Variants in GPC5 observed in about 807,000 individuals in gnomAD.
The protein encoded by GPC5 is glypican 5, also known as glypican-5.
In GPC5, 47 loss-of-function variants were observed where a neutral mutation model predicts 53.9. The ratio of observed to expected loss-of-function variants is 0.87; its 90% CI spans 0.69 to 1.11. The LOEUF is 1.11. GPC5 is among the 50% of genes most tolerant of loss of function. GPC5 has a pLI of 0.00. For synonymous variants in GPC5, 286 were observed against 263.3 expected (o/e 1.09, Z -0.84); for missense variants, 748 against 713.1 (o/e 1.05, Z -0.56).
At chr13:91,482,082 C>T (rs1174287489) in intron 2 of GPC5, among the ~76,000 whole-genome samples, 1 of 152,156 alleles carries the variant, frequency 6.6e-6, no homozygotes, top group Non-Finnish European at 1.5e-5. Context: ...TTGGAGAATG[C>T]TATGGTTTGA....
At chr13:92,352,898 T>C (rs2043491116) in intron 7 of GPC5, among the ~76,000 whole-genome samples, 1 of 151,336 alleles carries the variant, frequency 6.6e-6, no homozygotes, top group African/African-American at 2.4e-5. Flanking sequence ...AAAATAAGAG[T>C]GAAGGATAAT....
chr13:91,731,412 G>T (rs1346485920), intron 4 of GPC5, among the ~76,000 whole-genome samples: 1 of 152,044 alleles, frequency 6.6e-6, no homozygotes, highest in African/African-American at 2.4e-5. Context: ...AATTCCACAG[G>T]GATATGATAC....
At chr13:91,932,718 G>A (rs1018118732) in intron 6 of GPC5, among the ~76,000 whole-genome samples, 19 of 151,634 alleles carry the variant, frequency 1.3e-4, no homozygotes, top group South Asian at 4.1e-4. Context: ...TTATTTTCTC[G>A]TATCAGAGTC....
At chr13:92,562,176 C>G (rs1476324630) in intron 7 of GPC5, among the ~76,000 whole-genome samples, 1 of 151,998 alleles carries the variant, frequency 6.6e-6, no homozygotes, top group African/African-American at 2.4e-5. Flanking sequence ...TGCTTCTTAC[C>G]TCCTCACCAG....
chr13:91,899,503 G>T (rs528098200), intron 5 of GPC5, among the ~76,000 whole-genome samples: 1 of 152,172 alleles, frequency 6.6e-6, no homozygotes, highest in African/African-American at 2.4e-5. Context: ...TTTTCATTCA[G>T]GTAGTTTCCA....
chr13:91,765,913 A>C (rs1423057054), intron 5 of GPC5, among the ~76,000 whole-genome samples: 1 of 152,192 alleles, frequency 6.6e-6, no homozygotes, highest in Admixed American at 6.5e-5. Context: ...TGAGTGAGTA[A>C]TCATTGAAGC....
chr13:92,279,896 A>G (rs1245629479), intron 7 of GPC5, among the ~76,000 whole-genome samples: 1 of 152,114 alleles, frequency 6.6e-6, no homozygotes, highest in East Asian at 1.9e-4. Flanking sequence ...TGATTTTGAT[A>G]TCGGTCGAAT....
chr13:91,896,044 A>G (rs1295155890), intron 5 of GPC5, among the ~76,000 whole-genome samples: 1 of 151,954 alleles, frequency 6.6e-6, no homozygotes, highest in Non-Finnish European at 1.5e-5. Context: ...TCAGCCTTAC[A>G]GGAACACATG....
chr13:92,713,862 C>T (rs1417837688), intron 7 of GPC5, among the ~76,000 whole-genome samples: 54 of 152,210 alleles, frequency 3.5e-4, no homozygotes, highest in Non-Finnish European at 1.9e-4. Flanking sequence ...TTGGGACTTA[C>T]AAAATGTTAC....
chr13:91,815,669 C>T (rs2038388485), intron 5 of GPC5, among the ~76,000 whole-genome samples: 1 of 152,200 alleles, frequency 6.6e-6, no homozygotes, highest in Admixed American at 6.5e-5. Context: ...CTGCCTCCCG[C>T]TGTGCCTCCA....
chr13:92,675,918 A>C (rs1388299959), intron 7 of GPC5, among the ~76,000 whole-genome samples: 3 of 152,178 alleles, frequency 2.0e-5, no homozygotes, highest in Non-Finnish European at 4.4e-5. Context: ...GTGAACACTT[A>C]CTGTATGTAT....
intron 7 of GPC5, among the ~76,000 whole-genome samples, chr13:92,234,811 G>C (rs939839252): frequency 6.6e-6 from 1 of 152,066 alleles, no homozygotes; most frequent in African/African-American, 2.4e-5. Context: ...GGGTCAAACA[G>C]CTCTTTCTAT....
intron 7 of GPC5, among the ~76,000 whole-genome samples, chr13:92,842,542 C>G (rs947553157): frequency 1.2e-4 from 18 of 151,878 alleles, no homozygotes; most frequent in African/African-American, 4.4e-4. Flanking sequence ...TAAAAATGGC[C>G]CATGAACAAC....
At chr13:92,146,055 C>T (rs373721707) in intron 7 of GPC5, among the ~76,000 whole-genome samples, 46 of 151,998 alleles carry the variant, frequency 3.0e-4, no homozygotes, top group African/African-American at 9.7e-4. Context: ...AGGCAGTTAA[C>T]ATAATGAAAT....
At chr13:92,198,098 T>C (rs1413828561) in intron 7 of GPC5, among the ~76,000 whole-genome samples, 1 of 152,200 alleles carries the variant, frequency 6.6e-6, no homozygotes, top group African/African-American at 2.4e-5. Context: ...TGAGGAATCA[T>C]TTCTGACTTT....
chr13:91,908,532 T>C (rs1408536009), intron 6 of GPC5, among the ~76,000 whole-genome samples: 1 of 152,180 alleles, frequency 6.6e-6, no homozygotes, highest in African/African-American at 2.4e-5. Context: ...TTTTATATGT[T>C]ATCTTATAAT....
At chr13:91,860,691 G>A (rs1232463278) in intron 5 of GPC5, among the ~76,000 whole-genome samples, 1 of 151,774 alleles carries the variant, frequency 6.6e-6, no homozygotes, top group Non-Finnish European at 1.5e-5. Context: ...TAGTAGAGGC[G>A]GGGTTTCACC....
intron 7 of GPC5, among the ~76,000 whole-genome samples, chr13:92,182,255 C>T (rs1170857477): frequency 6.6e-6 from 1 of 152,148 alleles, no homozygotes. Context: ...ATTTTGAAGG[C>T]ATTGAAAAAT....
In GPC5 at chr13:92,420,308, G is replaced by T. The variant is rs189983902; in HGVS notation, c.1561+275319G>T. ...GATTATTTTAAGTATTCTTCTAAGA[G>T]AATTTCTTACAGAATATTATTTGGA... On this transcript the variant is annotated intron_variant, in intron 7 of 7. Coordinates refer to ENST00000377067, the MANE Select transcript of GPC5 (RefSeq NM_004466.6). Among the ~76,000 whole-genome samples, 428 of 151,912 alleles carry T rather than the reference G, an allele frequency of 2.8e-3. 2 individuals carry two copies. The highest frequency in any genetic ancestry group is 9.7e-3 in the African/African-American group (403 of 41,444).
Sources: allele counts gnomAD v4.1 joint callset (sites outside exome capture counted in the v4.1 genomes callset), GRCh38; gene constraint gnomAD v4.1.1; transcripts MANE v1.5; gene names NCBI Gene and HGNC (gene_info 2026-07-23, HGNC 2026-07-21).